Variants in PCDHGA10 observed in about 807,000 individuals in gnomAD.
The protein encoded by PCDHGA10 is protocadherin gamma subfamily A, 10, also known as protocadherin gamma-A10.
PCDHGA10 carries 42 observed loss-of-function variants against 59.5 expected under a neutral mutation model. The ratio of observed to expected loss-of-function variants is 0.71; its 90% CI spans 0.55 to 0.91. The LOEUF (loss-of-function observed/expected upper bound fraction) is 0.91. PCDHGA10 is among the 40% of genes least tolerant of loss of function. PCDHGA10 has a pLI of 0.00. For missense variants in PCDHGA10, 1,111 were observed against 1,198.2 expected, an observed-to-expected ratio of 0.93 and a Z score of 1.07; for synonymous variants, 511 against 517.2, an observed-to-expected ratio of 0.99 and a Z score of 0.16.
intron 1 of PCDHGA10, among the ~76,000 whole-genome samples, chr5:141,426,099 G>A (rs1590666889): frequency 1.3e-5 from 2 of 152,348 alleles, no homozygotes; most frequent in African/African-American, 4.8e-5. Context: ...ATTCTGTTCA[G>A]TCACAGAAGC....
chr5:141,429,631 G>A (rs1272926056), intron 1 of PCDHGA10, among the ~76,000 whole-genome samples: 1 of 152,132 alleles, frequency 6.6e-6, no homozygotes, highest in Non-Finnish European at 1.5e-5. Context: ...TTTTCTCACA[G>A]CTACCTATAT....
chr5:141,445,334 A>G (rs1337991795), intron 1 of PCDHGA10, among the ~76,000 whole-genome samples: 1 of 152,224 alleles, frequency 6.6e-6, no homozygotes, highest in African/African-American at 2.4e-5. Context: ...ATCCAGAAAC[A>G]GTAAACATTG....
intron 2 of PCDHGA10, among the ~76,000 whole-genome samples, chr5:141,504,741 T>C (rs968590796): frequency 2.6e-5 from 4 of 151,826 alleles, no homozygotes; most frequent in South Asian, 2.1e-4. Context: ...TAGGAAGCCA[T>C]TGAATTTTAG....
chr5:141,430,657 A>G (rs2097300740), intron 1 of PCDHGA10: 1 of 1,093,240 alleles, frequency 9.1e-7, no homozygotes, highest in African/African-American at 1.6e-5. Flanking sequence ...GAAACAACGG[A>G]GGAGCTCTGA....
chr5:141,491,869 G>C lies in PCDHGA10; in HGVS notation c.2437-2938G>C. On this transcript the variant is annotated intron_variant, in intron 1 of 3. Transcript: ENST00000398610. This position sits in a 1 kb window ranked among gnomAD's most constrained non-coding sequence, Gnocchi z 6.9. ...GGACCGTTTGCGCGAAACCAGAGTG[G>C]CCGATTAAGGGATGGGGCTCCGAGC... The C allele has an allele frequency of 6.9e-7, 1 of 1,453,094 alleles. No homozygotes were observed. Among genetic ancestry groups the C allele is most frequent in the South Asian group, 1.5e-5 (1 of 68,080 alleles). 90.0% of individuals were successfully genotyped at this position (1,453,094 alleles called of 1,614,324 possible).
At chr5:141,482,458 C>T (rs986628162) in intron 1 of PCDHGA10, among the ~76,000 whole-genome samples, 1 of 147,624 alleles carries the variant, frequency 6.8e-6, no homozygotes, top group Non-Finnish European at 1.5e-5. Context: ...ATTAGCATCC[C>T]TATGTGCCAG....
At position 141,414,141 on chromosome 5, in the gene PCDHGA10, A is replaced by T. The variant is rs1162904324; in HGVS notation, c.966A>T (p.Glu322Asp). ...DYEETGFYEI[E>D]IQAEDGGAYL... ...AAGAAACCGGTTTCTATGAAATAGA[A>T]ATACAAGCAGAAGATGGAGGAGCAT... Residue 322 changes from glutamate (E) to aspartate (D), a missense_variant, in exon 1 of 4, where the codon GAA becomes GAT. By Grantham distance (45) the Glu-to-Asp change is conservative. Transcript: ENST00000398610. 2 of 1,597,216 alleles carry T rather than the reference A, an allele frequency of 1.3e-6. No individual in the cohort carries two copies. Among genetic ancestry groups the T allele is most frequent in the East Asian group, 2.3e-5 (1 of 44,398 alleles).
At chr5:141,508,408 C>T (rs938019804) in intron 3 of PCDHGA10, 1 of 152,180 alleles carries the variant, frequency 6.6e-6, no homozygotes, top group Non-Finnish European at 1.5e-5. Context: ...GCTTGAGCCA[C>T]GCAGAGACTT....
chr5:141,428,077 A>G (rs2097107152), intron 1 of PCDHGA10: 4 of 1,609,206 alleles, frequency 2.5e-6, no homozygotes, highest in South Asian at 1.1e-5. Flanking sequence ...GATTCGGGAC[A>G]CAACGCTTGG....
Position 141,485,804 on chromosome 5 carries a change from G to A in PCDHGA10, c.2437-9003G>A. 6.2e-7 allele frequency: 1 copy of A among 1,614,218 alleles called. No individual in the cohort carries two copies. On this transcript the variant is annotated intron_variant, in intron 1 of 3. Coordinates refer to ENST00000398610, the MANE Select transcript of PCDHGA10 (RefSeq NM_018913.3). This position sits in a 1 kb window ranked among gnomAD's most constrained non-coding sequence, Gnocchi z 5.7. The stretch of plus-strand genomic sequence containing the variant: ...AGAGAAGCAATCGGACTACCGCCTG[G>A]TGCTGACTGCTGTCGATGGAGGGAA...
Position 141,433,362 on chromosome 5 carries a change from T to G in PCDHGA10, c.2436+17751T>G, listed in dbSNP as rs1285511534. ...GTGCAAGCCACCTACTGTCTGCCTA[T>G]CTATCTATCTATCTATCTATCTATC... On this transcript the variant is annotated intron_variant, in intron 1 of 3. Transcript: ENST00000398610. 4 of 299,814 alleles carry G rather than the reference T, an allele frequency of 1.3e-5. No individual in the cohort carries two copies. In the East Asian group the frequency reaches 1.8e-4, roughly 14 times the overall value. 18.6% of individuals were successfully genotyped at this position (299,814 alleles called of 1,614,324 possible). A position where few individuals can be genotyped will look rare whatever the true frequency, so the allele number is the denominator to read the frequency against.
At chr5:141,464,024 G>A (rs2099074308) in intron 1 of PCDHGA10, among the ~76,000 whole-genome samples, 1 of 151,996 alleles carries the variant, frequency 6.6e-6, no homozygotes, top group East Asian at 1.9e-4. Context: ...CCACACTTTG[G>A]GAGGCCAAGG....
rs548823035 is a variant in PCDHGA10 at position 141,499,447 on chromosome 5, C to T, written c.2495+4582C>T. ...AGAAAAAAAATTAAAAGGAAAACCA[C>T]CCATCATTTTACAATCTAGGGAGAA... On this transcript the variant is annotated intron_variant, in intron 2 of 3. Transcript: ENST00000398610. Among the ~76,000 whole-genome samples the T allele has an allele frequency of 3.8e-4, 58 of 152,250 alleles. 1 individual carries two copies. In the East Asian group the frequency reaches 9.1e-3, roughly 24 times the overall value.
At position 141,414,829 on chromosome 5, in the gene PCDHGA10, T is replaced by C. The variant is rs746789783; in HGVS notation, c.1654T>C (p.Leu552=). ...TCCTCCACTCAGCAGCAACGTGTCGTTGAGCCTGTTTGTGCTGGACCAGAA... is the reference window on the plus strand; with the variant it reads ...TCCTCCACTCAGCAGCAACGTGTCGCTGAGCCTGTTTGTGCTGGACCAGAA... ...GDPPLSSNVS[L]SLFVLDQNDN... Residue 552 remains leucine (L), a synonymous_variant, in exon 1 of 4, where the codon TTG becomes CTG. Transcript: ENST00000398610. 1.1e-5 allele frequency: 18 copies of C among 1,614,078 alleles called. No homozygotes were observed. Among genetic ancestry groups the C allele is most frequent in the Non-Finnish European group, 1.5e-5 (18 of 1,180,046 alleles).
At chr5:141,447,650 T>TC (rs1036312126) in intron 1 of PCDHGA10, among the ~76,000 whole-genome samples, 5 of 151,988 alleles carry the variant, frequency 3.3e-5, no homozygotes, top group Non-Finnish European at 5.9e-5. Context: ...GGTAGAATTT[T>TC]CCCCCCCAGG....
Position 141,485,752 on chromosome 5 carries a change from G to A in PCDHGA10, c.2437-9055G>A. 1 of 1,614,232 alleles carries A rather than the reference G, an allele frequency of 6.2e-7. No individual in the cohort carries two copies. Among genetic ancestry groups the A allele is most frequent in the Middle Eastern group, 1.6e-4 (1 of 6,062 alleles). ...GCAGCGACGGCAGCCTGGTCCCAGA[G>A]CTGCTCCTGGAGAAGCCTTTGGATC... On this transcript the variant is annotated intron_variant, in intron 1 of 3. Coordinates refer to ENST00000398610, the MANE Select transcript of PCDHGA10 (RefSeq NM_018913.3). This position sits in a 1 kb window ranked among gnomAD's most constrained non-coding sequence, Gnocchi z 5.7.
intron 1 of PCDHGA10, among the ~76,000 whole-genome samples, chr5:141,451,032 A>G: frequency 6.6e-6 from 1 of 150,486 alleles, no homozygotes; most frequent in Non-Finnish European, 1.5e-5. Context: ...GTTTCACCAT[A>G]TTGGCCAGGC....
At chr5:141,427,856 C>T (rs1487451079) in intron 1 of PCDHGA10, 6 of 1,553,060 alleles carry the variant, frequency 3.9e-6, no homozygotes, top group Non-Finnish European at 5.3e-6. Flanking sequence ...AGCAGCTGTG[C>T]GCCTTCGAGC....
chr5:141,473,796 G>A (rs2099328996), intron 1 of PCDHGA10, among the ~76,000 whole-genome samples: 1 of 152,224 alleles, frequency 6.6e-6, no homozygotes, highest in African/African-American at 2.4e-5. Context: ...GCAGTATGAT[G>A]CTACTGAGGA....
Sources: gnomAD v4.1 joint callset for allele counts (sites outside exome capture counted in the v4.1 genomes callset) on GRCh38, gnomAD v4.1.1 for gene constraint, Gnocchi (gnomAD v3.1) non-coding constraint, MANE v1.5 for transcripts, NCBI Gene and HGNC (gene_info 2026-07-23, HGNC 2026-07-21) for gene names.